TEAD4: variants seen among roughly 807,000 people sequenced by gnomAD.
TEAD4 encodes TEA domain transcription factor 4, also known as transcriptional enhancer factor TEF-3.
A neutral mutation model predicts 52.4 loss-of-function variants in TEAD4; 36 were observed. The observed-to-expected ratio is 0.69, with a 90% CI of 0.53 to 0.91. The LOEUF (loss-of-function observed/expected upper bound fraction) is 0.91, where lower values mean the gene tolerates loss of function less well. Ranked by LOEUF, TEAD4 falls within the 40% of genes least tolerant of loss-of-function variation. The pLI, the probability that TEAD4 is intolerant of heterozygous loss-of-function variation, is 0.00. For synonymous variants in TEAD4, 220 were observed against 231.0 expected, an observed-to-expected ratio of 0.95 and a Z score of 0.43; for missense variants, 508 against 583.9, an observed-to-expected ratio of 0.87 and a Z score of 1.34.
intron 2 of TEAD4, among the ~76,000 whole-genome samples, chr12:2,972,269 A>T (rs1002614845): frequency 6.6e-6 from 1 of 151,692 alleles, no homozygotes; most frequent in Non-Finnish European, 1.5e-5. Context: ...ATTTCTAGAG[A>T]TAGGATCTCA....
chr12:3,029,658 GGT>G (rs953269379), intron 10 of TEAD4, among the ~76,000 whole-genome samples: 1 of 152,210 alleles, frequency 6.6e-6, no homozygotes, highest in Non-Finnish European at 1.5e-5. Context: ...TGGGATTACA[GGT>G]GTGAGCCACT....
intron 5 of TEAD4, among the ~76,000 whole-genome samples, chr12:3,012,873 G>A (rs959581902): frequency 6.6e-6 from 1 of 152,214 alleles, no homozygotes; most frequent in Non-Finnish European, 1.5e-5. Context: ...TCAGGGAGGT[G>A]ATGACGACAG....
At chr12:2,980,856 G>A (rs185291289) in intron 2 of TEAD4, among the ~76,000 whole-genome samples, 3 of 152,186 alleles carry the variant, frequency 2.0e-5, no homozygotes, top group South Asian at 4.1e-4. Flanking sequence ...GGTCAAGAGC[G>A]AAACTCCATC....
intron 6 of TEAD4, 121 bp downstream of exon 6, chr12:3,017,647 G>A: frequency 7.3e-7 from 1 of 1,372,142 alleles, no homozygotes; most frequent in Non-Finnish European, 9.6e-7. Context: ...TCTTGGCCAG[G>A]GCAGTCAGGG....
At chr12:2,969,342 A>T (rs1226455505) in intron 2 of TEAD4, among the ~76,000 whole-genome samples, 1 of 152,220 alleles carries the variant, frequency 6.6e-6, no homozygotes, top group African/African-American at 2.4e-5. Context: ...TGCGTAAGTT[A>T]TGTGCAAACA....
chr12:2,971,072 G>A (rs1010407572), intron 2 of TEAD4, among the ~76,000 whole-genome samples: 7 of 152,226 alleles, frequency 4.6e-5, no homozygotes, highest in Admixed American at 2.0e-4. Flanking sequence ...CAGCACCCAC[G>A]GTGTGCCCGG....
intron 10 of TEAD4, among the ~76,000 whole-genome samples, chr12:3,024,502 C>T (rs1256559580): frequency 2.6e-5 from 4 of 152,012 alleles, no homozygotes; most frequent in Non-Finnish European, 5.9e-5. Context: ...CCCATCTATA[C>T]AAAAAGTAGC....
intron 2 of TEAD4, among the ~76,000 whole-genome samples, chr12:2,978,491 C>A (rs1221267447): frequency 6.6e-6 from 1 of 151,360 alleles, no homozygotes; most frequent in African/African-American, 2.4e-5. Flanking sequence ...TGGCTCGCTG[C>A]CTCCGGGGTT....
chr12:2,985,893 G>C (rs1382889106), intron 2 of TEAD4, among the ~76,000 whole-genome samples: 1 of 151,856 alleles, frequency 6.6e-6, no homozygotes, highest in Non-Finnish European at 1.5e-5. Context: ...AGACCAGCCT[G>C]GCCAACAGGG....
chr12:3,040,139 C>A lies in TEAD4; in HGVS notation c.1071C>A (p.Tyr357Ter), dbSNP rs772765432. Residue 357 changes from tyrosine (Y) to a stop codon, truncating the protein, a stop_gained, in exon 12 of 13, where the codon TAC becomes TAA. Transcript: ENST00000359864. LOFTEE classifies it high-confidence loss of function. ...ATGCTCGCTATGAGAATGGACACTA[C>A]TCTTACCGCATCCACCGGTCCCCGC... 2 of 1,614,084 alleles carry A rather than the reference C, an allele frequency of 1.2e-6. No individual in the cohort carries two copies. The highest frequency in any genetic ancestry group is 1.3e-5 in the African/African-American group (1 of 74,934).
chr12:3,024,422 C>T (rs915691351), intron 10 of TEAD4, among the ~76,000 whole-genome samples: 7 of 152,008 alleles, frequency 4.6e-5, no homozygotes, highest in Non-Finnish European at 7.4e-5. Context: ...CCCTGTGATC[C>T]CAGCACTTTG....
At chr12:2,997,785 G>A (rs888522188) in intron 3 of TEAD4, among the ~76,000 whole-genome samples, 6 of 141,216 alleles carry the variant, frequency 4.2e-5, no homozygotes, top group Admixed American at 2.8e-4. Flanking sequence ...GGGACCAAGG[G>A]CTTTGAGGAC....
At chr12:2,993,050 G>A (rs1298252526) in intron 2 of TEAD4, among the ~76,000 whole-genome samples, 2 of 152,182 alleles carry the variant, frequency 1.3e-5, no homozygotes, top group African/African-American at 4.8e-5. Flanking sequence ...GAGTTGGGAA[G>A]GGAACAGGAG....
intron 2 of TEAD4, among the ~76,000 whole-genome samples, chr12:2,962,237 G>A (rs2098215976): frequency 6.9e-6 from 1 of 145,768 alleles, no homozygotes; most frequent in Non-Finnish European, 1.5e-5. Context: ...CGATTCTCCT[G>A]CCTCAGCCTC....
At chr12:3,036,641 G>T (rs1399153199) in intron 10 of TEAD4, among the ~76,000 whole-genome samples, 1 of 152,226 alleles carries the variant, frequency 6.6e-6, no homozygotes, top group African/African-American at 2.4e-5. Context: ...ACCGGGGTGT[G>T]GGTGGGAGGA....
At chr12:2,997,242 A>G (rs2098247983) in intron 3 of TEAD4, among the ~76,000 whole-genome samples, 1 of 152,204 alleles carries the variant, frequency 6.6e-6, no homozygotes, top group Non-Finnish European at 1.5e-5. Context: ...ACCTGGATAC[A>G]TTTAAGGAAG....
intron 2 of TEAD4, among the ~76,000 whole-genome samples, chr12:2,960,816 T>A (rs1175186067): frequency 6.6e-6 from 1 of 152,220 alleles, no homozygotes; most frequent in African/African-American, 2.4e-5. Context: ...CTAGGACTGT[T>A]CTTCCTCCCT....
intron 6 of TEAD4, 101 bp from the exon 7 acceptor site, chr12:3,018,441 TCTC>T (rs2098266163): frequency 1.4e-6 from 2 of 1,380,420 alleles, no homozygotes; most frequent in Non-Finnish European, 1.0e-6. Context: ...GGCTCCAGCC[TCTC>T]CTCCCAGTGG....
In TEAD4 at chr12:3,040,347, T is replaced by A. The variant is rs770697714; in HGVS notation, c.1192-18T>A. 1 of 1,614,136 alleles carries A rather than the reference T, an allele frequency of 6.2e-7. No homozygotes were observed. Among genetic ancestry groups the A allele is most frequent in the Non-Finnish European group, 8.5e-7 (1 of 1,180,000 alleles). On this transcript the variant is annotated intron_variant, in intron 12 of 12. Coordinates refer to ENST00000359864, the MANE Select transcript of TEAD4 (RefSeq NM_003213.4). ...CCTTCTGGGGCCTTATTAACCCTTG[T>A]CTTTTTCTCTCCCACAGGTGGTCAC...
Sources: allele counts gnomAD v4.1 joint callset (sites outside exome capture counted in the v4.1 genomes callset), GRCh38; gene constraint gnomAD v4.1.1; transcripts MANE v1.5; gene names NCBI Gene and HGNC (gene_info 2026-07-23, HGNC 2026-07-21).